The following DACH1 variants were observed in gnomAD, a reference collection of about 807,000 sequenced individuals.
DACH1 encodes the protein dachshund family transcription factor 1.
DACH1 carries 12 observed loss-of-function variants against 54.2 expected under a neutral mutation model. The observed-to-expected ratio is 0.22, with a 90% CI of 0.14 to 0.36. The LOEUF (loss-of-function observed/expected upper bound fraction) is 0.36, where lower values mean the gene tolerates loss of function less well. Among genes scored for constraint, DACH1 ranks in the 10% least tolerant of loss-of-function variants. The pLI, the probability that DACH1 is intolerant of heterozygous loss-of-function variation, is 1.00. For synonymous variants in DACH1, 386 were observed against 366.2 expected (o/e 1.05, Z -0.62); for missense variants, 805 against 929.8 (o/e 0.87, Z 1.75).
chr13:71,492,996 T>C (rs1879115704), intron 6 of DACH1, among the ~76,000 whole-genome samples: 1 of 152,084 alleles, frequency 6.6e-6, no homozygotes, highest in Non-Finnish European at 1.5e-5. Flanking sequence ...ATAACAAATA[T>C]TTTAACTTTT....
At chr13:71,766,261 T>C (rs556367278) in intron 1 of DACH1, among the ~76,000 whole-genome samples, 1 of 152,330 alleles carries the variant, frequency 6.6e-6, no homozygotes, top group Non-Finnish European at 1.5e-5. Context: ...TACCCTCTTC[T>C]CTTCAGGTTG....
At chr13:71,467,890 C>A (rs1306393554) in intron 10 of DACH1, among the ~76,000 whole-genome samples, 1 of 151,760 alleles carries the variant, frequency 6.6e-6, no homozygotes, top group East Asian at 1.9e-4. Flanking sequence ...AAGGTAATAC[C>A]CATGGTGATT....
At chr13:71,475,888 A>T in intron 8 of DACH1, 39 bp from the exon 9 acceptor site, 1 of 1,366,136 alleles carries the variant, frequency 7.3e-7, no homozygotes, top group Non-Finnish European at 9.7e-7. Context: ...TATTATTTTT[A>T]AATTTTCATA....
chr13:71,708,956 C>T (rs1417570494), intron 1 of DACH1, among the ~76,000 whole-genome samples: 1 of 151,218 alleles, frequency 6.6e-6, no homozygotes, highest in Non-Finnish European at 1.5e-5. Flanking sequence ...GGGTTCACGC[C>T]ATTCTCCTGC....
intron 6 of DACH1, among the ~76,000 whole-genome samples, chr13:71,490,467 A>C (rs553492538): frequency 6.6e-6 from 1 of 151,836 alleles, no homozygotes; most frequent in East Asian, 1.9e-4. Flanking sequence ...CCTCCTATTA[A>C]CTCCTCTCAC....
At chr13:71,681,734 T>G (rs559021245) in intron 2 of DACH1, 61 bp downstream of exon 2, 1 of 1,224,580 alleles carries the variant, frequency 8.2e-7, no homozygotes, top group South Asian at 1.3e-5. Context: ...CAGATATATA[T>G]AAAAGCTACG....
intron 1 of DACH1, among the ~76,000 whole-genome samples, chr13:71,748,005 A>C (rs980522008): frequency 6.6e-6 from 1 of 152,182 alleles, no homozygotes; most frequent in African/African-American, 2.4e-5. Context: ...CAATATGGAG[A>C]GACCTTTGGG....
chr13:71,484,007 T>C (rs1593766423), intron 7 of DACH1, among the ~76,000 whole-genome samples: 2 of 152,326 alleles, frequency 1.3e-5, no homozygotes, highest in Admixed American at 1.3e-4. Flanking sequence ...TCCCCAGCAT[T>C]AAGTGATGCA....
At chr13:71,559,474 GA>G (rs1566341100) in intron 5 of DACH1, among the ~76,000 whole-genome samples, 1 of 152,162 alleles carries the variant, frequency 6.6e-6, no homozygotes. Flanking sequence ...TTTGAGGAAT[GA>G]TGTTGAATAA....
At chr13:71,709,268 G>T (rs562108882) in intron 1 of DACH1, among the ~76,000 whole-genome samples, 1 of 151,756 alleles carries the variant, frequency 6.6e-6, no homozygotes, top group Admixed American at 6.6e-5. Flanking sequence ...AATAAAATGC[G>T]TTATATATAC....
intron 1 of DACH1, among the ~76,000 whole-genome samples, chr13:71,845,333 G>A (rs1396312038): frequency 1.3e-5 from 2 of 152,116 alleles, no homozygotes; most frequent in Non-Finnish European, 2.9e-5. Context: ...ATGAAAGTGT[G>A]CCAATATGAA....
Position 71,559,913 on chromosome 13 carries a change from C to T in DACH1, c.1342G>A (p.Glu448Lys). The T allele has an allele frequency of 6.2e-7, 1 of 1,607,078 alleles. No homozygotes were observed. Among genetic ancestry groups the T allele is most frequent in the Non-Finnish European group, 8.5e-7 (1 of 1,176,706 alleles). Residue 448 changes from glutamate (E) to lysine (K), a missense_variant, in exon 5 of 11, where the codon GAG (glutamate) becomes AAG (lysine). Coordinates refer to ENST00000613252, the MANE Select transcript of DACH1 (RefSeq NM_080759.6). Reference sequence around the variant, plus strand: ...GGGTGACTGCCAGGCCTTCTCCCCTCCTCCAGAGAGGGGGCAGGTGAGGGG... The same window carrying T: ...GGGTGACTGCCAGGCCTTCTCCCCTTCTCCAGAGAGGGGGCAGGTGAGGGG... ...DSPSPAPSLE[E>K]GRRPGSHPSS...
intron 5 of DACH1, among the ~76,000 whole-genome samples, chr13:71,559,146 C>A (rs1884434387): frequency 6.6e-6 from 1 of 151,962 alleles, no homozygotes; most frequent in Non-Finnish European, 1.5e-5. Flanking sequence ...GGCATTTTAA[C>A]TTTATTCTTA....
At chr13:71,814,022 A>G (rs1277821634) in intron 1 of DACH1, among the ~76,000 whole-genome samples, 1 of 152,218 alleles carries the variant, frequency 6.6e-6, no homozygotes, top group African/African-American at 2.4e-5. Flanking sequence ...GATAAAATTA[A>G]TGTAAGTAAT....
chr13:71,860,884 T>G (rs994452136), intron 1 of DACH1, among the ~76,000 whole-genome samples: 1 of 152,000 alleles, frequency 6.6e-6, no homozygotes, highest in Admixed American at 6.6e-5. Flanking sequence ...AATTTACTAA[T>G]GCTACTTATA....
At chr13:71,747,254 G>C (rs1301796361) in intron 1 of DACH1, among the ~76,000 whole-genome samples, 2 of 151,410 alleles carry the variant, frequency 1.3e-5, no homozygotes, top group Non-Finnish European at 2.9e-5. Context: ...TCCACACACT[G>C]TACAGAATTA....
At chr13:71,605,279 T>C (rs548140582) in intron 3 of DACH1, among the ~76,000 whole-genome samples, 1 of 151,984 alleles carries the variant, frequency 6.6e-6, no homozygotes, top group Non-Finnish European at 1.5e-5. Flanking sequence ...ACTCAACATA[T>C]TCTTCATATC....
At chr13:71,652,957 C>T (rs183469134) in intron 2 of DACH1, among the ~76,000 whole-genome samples, 254 of 152,188 alleles carry the variant, frequency 1.7e-3, no homozygotes, top group African/African-American at 6.0e-3. Context: ...ATTTAAAGGG[C>T]CAACAATTTA....
chr13:71,555,736 C>T (rs1368830330), intron 6 of DACH1, among the ~76,000 whole-genome samples: 2 of 151,968 alleles, frequency 1.3e-5, no homozygotes, highest in Non-Finnish European at 2.9e-5. Flanking sequence ...ATATACATGA[C>T]ATTCTGCTTT....
Sources: gnomAD v4.1 joint callset for allele counts (sites outside exome capture counted in the v4.1 genomes callset) on GRCh38, gnomAD v4.1.1 for gene constraint, MANE v1.5 for transcripts, NCBI Gene and HGNC (gene_info 2026-07-23, HGNC 2026-07-21) for gene names.